Variants in FANCC observed in about 807,000 individuals in gnomAD.
FANCC encodes the protein FA complementation group C, also known as Fanconi anemia group C protein.
A neutral mutation model predicts 71.3 loss-of-function variants in FANCC; 55 were observed. The ratio of observed to expected loss-of-function variants is 0.77; its 90% CI spans 0.62 to 0.97. The LOEUF is 0.97. Among genes scored for constraint, FANCC ranks in the 50% least tolerant of loss-of-function variants. The pLI is 0.00. For synonymous variants in FANCC, 275 were observed against 244.9 expected, an observed-to-expected ratio of 1.12 and a Z score of -1.15; for missense variants, 678 against 670.9, an observed-to-expected ratio of 1.01 and a Z score of -0.12.
rs1047237910 is a variant in FANCC at position 95,317,653 on chromosome 9, C to G, written c.-206G>C. 6.6e-6 allele frequency: 1 copy of G among 152,192 alleles called. No individual in the cohort carries two copies. The highest frequency in any genetic ancestry group is 1.5e-5 in the Non-Finnish European group (1 of 68,050). The allele number at this position is 152,192 out of a possible 1,614,324, so 9.4% of individuals were successfully genotyped here. On this transcript the variant is annotated 5_prime_UTR_variant, in exon 1 of 15. Transcript: ENST00000289081. ...GCTTTTTGAGTTTTTTTGGAATTTTCCCGCGGTCGCCCGGCAGTGGAGCCG... is the reference window on the plus strand; with the variant it reads ...GCTTTTTGAGTTTTTTTGGAATTTTGCCGCGGTCGCCCGGCAGTGGAGCCG...
intron 4 of FANCC, among the ~76,000 whole-genome samples, chr9:95,206,460 C>T (rs181051921): frequency 1.3e-5 from 2 of 152,210 alleles, no homozygotes; most frequent in Admixed American, 1.3e-4. Flanking sequence ...TCCCCTACAT[C>T]GTCTAACAAG....
intron 6 of FANCC, among the ~76,000 whole-genome samples, chr9:95,163,969 G>C (rs1830912765): frequency 6.6e-6 from 1 of 152,184 alleles, no homozygotes; most frequent in South Asian, 2.1e-4. Flanking sequence ...AGCTTTCACT[G>C]TGCAAATCTT....
At chr9:95,161,842 CTTT>C (rs71366277) in intron 6 of FANCC, among the ~76,000 whole-genome samples, 1,537 of 110,734 alleles carry the variant, frequency 0.014, 24 homozygotes, top group African/African-American at 0.046. Flanking sequence ...CTTTTCTTTT[CTTT>C]TTTTTTTTTT....
intron 4 of FANCC, among the ~76,000 whole-genome samples, chr9:95,209,050 TC>T (rs1828326933): frequency 6.6e-6 from 1 of 152,160 alleles, no homozygotes; most frequent in African/African-American, 2.4e-5. Context: ...CTGTAATATA[TC>T]CAGACAATGG....
At position 95,193,124 on chromosome 9, in the gene FANCC, T is replaced by C. The variant is rs1827213098; in HGVS notation, c.346-20977A>G. ...GAAAAGGGAAGAGGCAACGAACACATATAGAAGTCAACAAGATGAAGATGA... is the reference window on the plus strand; with the variant it reads ...GAAAAGGGAAGAGGCAACGAACACACATAGAAGTCAACAAGATGAAGATGA... On this transcript the variant is annotated intron_variant, in intron 4 of 14. Transcript: ENST00000289081. Among the ~76,000 whole-genome samples, 3 of 152,114 alleles carry C rather than the reference T, an allele frequency of 2.0e-5. 1 individual carries two copies. In the South Asian group the frequency reaches 6.2e-4, roughly 32 times the overall value.
At chr9:95,269,579 T>C (rs998491878) in intron 1 of FANCC, among the ~76,000 whole-genome samples, 23 of 152,210 alleles carry the variant, frequency 1.5e-4, no homozygotes, top group South Asian at 2.1e-4. Context: ...ATTAAACATA[T>C]AGAATACAAC....
At chr9:95,207,587 A>G (rs186198733) in intron 4 of FANCC, among the ~76,000 whole-genome samples, 1 of 152,094 alleles carries the variant, frequency 6.6e-6, no homozygotes, top group Non-Finnish European at 1.5e-5. Context: ...AACATTGCCC[A>G]TCTCCCTCCT....
chr9:95,126,481 T>C, intron 9 of FANCC, 48 bp downstream of exon 9: 1 of 1,558,820 alleles, frequency 6.4e-7, no homozygotes, highest in Non-Finnish European at 8.8e-7. Flanking sequence ...TGCTTGGAAA[T>C]GGAACCTTTT....
At chr9:95,313,482 T>C (rs1190508154) in intron 1 of FANCC, among the ~76,000 whole-genome samples, 1 of 152,206 alleles carries the variant, frequency 6.6e-6, no homozygotes, top group East Asian at 1.9e-4. Flanking sequence ...AATTTGTAAT[T>C]TCAAATTTCC....
chr9:95,111,851 G>A (rs1159454137), intron 12 of FANCC, among the ~76,000 whole-genome samples: 1 of 152,180 alleles, frequency 6.6e-6, no homozygotes, highest in Non-Finnish European at 1.5e-5. Flanking sequence ...CAGGACCCCC[G>A]TGAGGCCTGA....
intron 4 of FANCC, among the ~76,000 whole-genome samples, chr9:95,175,480 A>C (rs993299586): frequency 1.3e-5 from 2 of 152,202 alleles, no homozygotes; most frequent in Non-Finnish European, 2.9e-5. Context: ...CTTTCAGTTC[A>C]AATCTGCCGC....
chr9:95,132,036 A>G (rs1358307742), intron 8 of FANCC, among the ~76,000 whole-genome samples: 1 of 152,262 alleles, frequency 6.6e-6, no homozygotes, highest in Non-Finnish European at 1.5e-5. Context: ...AAAATGAAGC[A>G]TATTCTGATA....
intron 4 of FANCC, among the ~76,000 whole-genome samples, chr9:95,192,262 AAGGTGACCTGGTGGT>A (rs907559547): frequency 3.0e-4 from 46 of 152,148 alleles, no homozygotes; most frequent in African/African-American, 1.0e-3. Context: ...TTGCTATGTG[AAGGTGACCTGGTGGT>A]AGTCACCTTC....
rs373375961 is a variant in FANCC, at chr9:95,293,784, AC to A, written c.-79+23741del. The A allele has an allele frequency of 1.9e-6, 3 of 1,613,920 alleles. No individual in the cohort carries two copies. The African/African-American group carries it at 4.0e-5, about 22-fold the overall frequency. ...TGCTCAGACTGATGCATTTATGGACACCTGTTTCCAGTCGGGTGGGGTCTCC... is the reference window on the plus strand; with the variant it reads ...TGCTCAGACTGATGCATTTATGGACACTGTTTCCAGTCGGGTGGGGTCTCC... On this transcript the variant is annotated intron_variant, in intron 1 of 14. Transcript: ENST00000289081.
intron 4 of FANCC, among the ~76,000 whole-genome samples, chr9:95,185,266 C>T (rs1407112881): frequency 6.6e-6 from 1 of 152,078 alleles, no homozygotes; most frequent in Non-Finnish European, 1.5e-5. Context: ...AATCTACAAT[C>T]GAAATGCAGA....
intron 1 of FANCC, among the ~76,000 whole-genome samples, chr9:95,289,702 G>A (rs1301787526): frequency 6.6e-6 from 1 of 152,132 alleles, no homozygotes; most frequent in African/African-American, 2.4e-5. Context: ...CCAGGCTGGA[G>A]TACAGTGGTG....
chr9:95,252,883 TA>T (rs1162973883), intron 1 of FANCC, among the ~76,000 whole-genome samples: 26 of 144,226 alleles, frequency 1.8e-4, no homozygotes, highest in Non-Finnish European at 2.1e-4. Context: ...ACCCCATCTC[TA>T]AAAAAAAAAA....
chr9:95,136,780 C>T (rs991147889), intron 7 of FANCC, among the ~76,000 whole-genome samples: 4 of 152,190 alleles, frequency 2.6e-5, no homozygotes, highest in African/African-American at 9.7e-5. Context: ...CCCACTACTC[C>T]CCAGACACAA....
chr9:95,118,634 A>C (rs2072621384), intron 10 of FANCC, among the ~76,000 whole-genome samples: 1 of 152,272 alleles, frequency 6.6e-6, no homozygotes, highest in East Asian at 1.9e-4. Flanking sequence ...AGTTTTGCTT[A>C]TTCTTGAATT....
Sources: allele counts gnomAD v4.1 joint callset (sites outside exome capture counted in the v4.1 genomes callset), GRCh38; gene constraint gnomAD v4.1.1; transcripts MANE v1.5; gene names NCBI Gene and HGNC (gene_info 2026-07-23, HGNC 2026-07-21).